CERS6: variants seen among roughly 807,000 people sequenced by gnomAD.
CERS6 encodes the protein LAG1 homolog, ceramide synthase 6.
A neutral mutation model predicts 56.8 loss-of-function variants in CERS6; 26 were observed. The observed-to-expected ratio is 0.46, with a 90% CI of 0.34 to 0.63. The LOEUF (loss-of-function observed/expected upper bound fraction) is 0.63, where lower values mean the gene tolerates loss of function less well. Ranked by LOEUF, CERS6 falls within the 30% of genes least tolerant of loss-of-function variation. CERS6 has a pLI of 0.01. For synonymous variants in CERS6, 164 were observed against 173.3 expected (o/e 0.95, Z 0.42); for missense variants, 415 against 467.5 (o/e 0.89, Z 1.04).
rs934244612 is a variant in CERS6, at chr2:168,646,863, A to C, written c.465+15821A>C. Among the ~76,000 whole-genome samples the C allele has an allele frequency of 5.3e-5, 8 of 151,270 alleles. No individual in the cohort carries two copies. The East Asian group carries it at 1.6e-3, about 29-fold the overall frequency. ...CGTAGGTGTGTGGCCTTATTTCTGG[A>C]CTCTCTATTCTGTTCCATTGGTCTA... On this transcript the variant is annotated intron_variant, in intron 4 of 9. Transcript: ENST00000305747.
chr2:168,516,202 A>G (rs1024705721), intron 1 of CERS6, among the ~76,000 whole-genome samples: 1 of 152,180 alleles, frequency 6.6e-6, no homozygotes, highest in East Asian at 1.9e-4. Context: ...ATGTCATAAC[A>G]TCTTCCTCTG....
chr2:168,680,121 C>T (rs564251862), intron 4 of CERS6, among the ~76,000 whole-genome samples: 61 of 152,280 alleles, frequency 4.0e-4, no homozygotes, highest in African/African-American at 1.3e-3. Context: ...AAACTAGAGC[C>T]TGGAAGATTG....
At chr2:168,755,945 A>G (rs894949976) in intron 8 of CERS6, among the ~76,000 whole-genome samples, 5 of 152,310 alleles carry the variant, frequency 3.3e-5, no homozygotes, top group East Asian at 1.9e-4. Context: ...CCTCTGCAAA[A>G]CATACCATTG....
At chr2:168,736,074 G>A (rs1683708227) in intron 8 of CERS6, among the ~76,000 whole-genome samples, 1 of 151,888 alleles carries the variant, frequency 6.6e-6, no homozygotes, top group South Asian at 2.1e-4. Flanking sequence ...AATTAACCAG[G>A]CATGGTGGTG....
chr2:168,484,257 C>T (rs1221796780), intron 1 of CERS6, among the ~76,000 whole-genome samples: 2 of 139,126 alleles, frequency 1.4e-5, no homozygotes, highest in African/African-American at 2.7e-5. Context: ...TCTCAGCTTA[C>T]CACAGCCTCC....
At chr2:168,751,076 T>C (rs1684254117) in intron 8 of CERS6, among the ~76,000 whole-genome samples, 1 of 152,208 alleles carries the variant, frequency 6.6e-6, no homozygotes, top group Non-Finnish European at 1.5e-5. Context: ...GAGCTAAATA[T>C]TGATGATAGC....
Position 168,456,462 on chromosome 2 carries a change from T to C in CERS6, c.14T>C (p.Leu5Ser), listed in dbSNP as rs764866341. Residue 5 changes from leucine (L) to serine (S), a missense_variant, in exon 1 of 10, where the codon TTA (leucine) becomes TCA (serine). Physicochemically the swap from Leu to Ser is moderately radical, Grantham distance 145. Transcript: ENST00000305747. The surrounding 1 kb of genome is among the most constrained non-coding windows in gnomAD (Gnocchi z 4.1). ...GGACAAAGCAAGATGGCAGGGATCT[T>C]AGCCTGGTTCTGGAACGAGAGGTTT... MAGI[L>S]AWFWNERFWL... 1 of 1,613,622 alleles carries C rather than the reference T, an allele frequency of 6.2e-7. No homozygotes were observed. The highest frequency in any genetic ancestry group is 2.2e-5 in the East Asian group (1 of 44,824).
chr2:168,611,324 C>G (rs1376922335), intron 3 of CERS6, among the ~76,000 whole-genome samples: 1 of 152,140 alleles, frequency 6.6e-6, no homozygotes, highest in Non-Finnish European at 1.5e-5. Flanking sequence ...TGCCAATAAC[C>G]ATTCATCTCA....
At chr2:168,624,736 G>A (rs1313117742) in intron 3 of CERS6, among the ~76,000 whole-genome samples, 6 of 152,048 alleles carry the variant, frequency 3.9e-5, no homozygotes, top group South Asian at 2.1e-4. Flanking sequence ...CATATAATAC[G>A]GAAACCTCAT....
intron 3 of CERS6, among the ~76,000 whole-genome samples, chr2:168,567,040 A>G (rs1695896912): frequency 6.6e-6 from 1 of 152,202 alleles, no homozygotes; most frequent in African/African-American, 2.4e-5. Flanking sequence ...TTTCAGTACT[A>G]GGATACATGA....
At chr2:168,596,678 C>T (rs868334958) in intron 3 of CERS6, among the ~76,000 whole-genome samples, 4 of 151,524 alleles carry the variant, frequency 2.6e-5, no homozygotes, top group African/African-American at 7.3e-5. Context: ...CTCAGCTTCC[C>T]GAGTAGCTGG....
intron 4 of CERS6, among the ~76,000 whole-genome samples, chr2:168,636,956 C>A (rs1684873836): frequency 6.6e-6 from 1 of 152,108 alleles, no homozygotes; most frequent in South Asian, 2.1e-4. Context: ...TTTACGCAAG[C>A]CTCTTAATCT....
intron 8 of CERS6, among the ~76,000 whole-genome samples, chr2:168,743,192 G>GTA (rs372840499): frequency 1.5e-4 from 22 of 146,098 alleles, no homozygotes; most frequent in South Asian, 6.6e-4. Flanking sequence ...ATGTGTGTGT[G>GTA]TATATATATA....
intron 8 of CERS6, among the ~76,000 whole-genome samples, chr2:168,724,680 G>A (rs1449554900): frequency 2.6e-5 from 4 of 151,472 alleles, no homozygotes; most frequent in Non-Finnish European, 5.9e-5. Context: ...GTCGATTGGT[G>A]CATTCACAAA....
At chr2:168,651,778 G>T (rs1001964260) in intron 4 of CERS6, among the ~76,000 whole-genome samples, 1 of 152,264 alleles carries the variant, frequency 6.6e-6, no homozygotes, top group East Asian at 1.9e-4. Context: ...TGAGATTTGG[G>T]TGGGGACACA....
At chr2:168,547,321 A>C (rs770832679) in intron 1 of CERS6, among the ~76,000 whole-genome samples, 1 of 152,140 alleles carries the variant, frequency 6.6e-6, no homozygotes, top group African/African-American at 2.4e-5. Context: ...TTTTCATCTC[A>C]TAGTCTTTCT....
Position 168,752,963 on chromosome 2 carries a change from G to T in CERS6, c.846-12629G>T, listed in dbSNP as rs368253426. ...CAATGAAGACTCACCAGAGAAGAAT[G>T]CATCTATACAAATGGGGTATTTTAT... On this transcript the variant is annotated intron_variant, in intron 8 of 9. Coordinates refer to ENST00000305747, the MANE Select transcript of CERS6 (RefSeq NM_203463.3). Among the ~76,000 whole-genome samples the T allele has an allele frequency of 1.5e-3, 225 of 152,298 alleles. 2 individuals are homozygous for T. Among genetic ancestry groups the T allele is most frequent in the African/African-American group, 4.8e-3 (198 of 41,576 alleles).
chr2:168,582,408 C>CAG (rs1683435452), intron 3 of CERS6, among the ~76,000 whole-genome samples: 4 of 152,096 alleles, frequency 2.6e-5, no homozygotes, highest in African/African-American at 9.7e-5. Context: ...CTGAGAGCTT[C>CAG]TTACTATCTT....
chr2:168,549,433 G>A (rs1411710591), intron 2 of CERS6, among the ~76,000 whole-genome samples: 7 of 152,046 alleles, frequency 4.6e-5, no homozygotes, highest in Non-Finnish European at 1.0e-4. Flanking sequence ...TCAAGAGATC[G>A]AGACCACCTT....
Sources: gnomAD v4.1 joint callset for allele counts (sites outside exome capture counted in the v4.1 genomes callset) on GRCh38, gnomAD v4.1.1 for gene constraint, Gnocchi (gnomAD v3.1) non-coding constraint, MANE v1.5 for transcripts, NCBI Gene and HGNC (gene_info 2026-07-23, HGNC 2026-07-21) for gene names.